The following BNC2 variants were observed in gnomAD, a reference collection of about 807,000 sequenced individuals.
The protein encoded by BNC2 is basonuclin zinc finger protein 2.
Under a neutral mutation model 76.3 loss-of-function variants are expected in BNC2, and 20 were observed. That is an observed-to-expected ratio of 0.26 (90% CI 0.18 to 0.38). The LOEUF is 0.38. Among genes scored for constraint, BNC2 ranks in the 10% least tolerant of loss-of-function variants. The pLI is 1.00. For missense variants in BNC2, 1,382 were observed against 1,399.8 expected, an observed-to-expected ratio of 0.99 and a Z score of 0.20; for synonymous variants, 582 against 514.8, an observed-to-expected ratio of 1.13 and a Z score of -1.77.
intron 5 of BNC2, among the ~76,000 whole-genome samples, chr9:16,533,545 A>C (rs957720709): frequency 2.0e-5 from 3 of 152,210 alleles, no homozygotes; most frequent in Non-Finnish European, 2.9e-5. Context: ...TTGGTTAAAC[A>C]TGTGGCAGTA....
chr9:16,491,339 G>A (rs1247752843), intron 5 of BNC2, among the ~76,000 whole-genome samples: 1 of 152,150 alleles, frequency 6.6e-6, no homozygotes, highest in African/African-American at 2.4e-5. Context: ...TACTCAACAG[G>A]TGGAAAGGGT....
chr9:16,573,956 A>C (rs1819409112), intron 4 of BNC2, among the ~76,000 whole-genome samples: 1 of 152,230 alleles, frequency 6.6e-6, no homozygotes, highest in Non-Finnish European at 1.5e-5. Context: ...TACTGTACTT[A>C]TCCAGCAATT....
At chr9:16,649,517 C>T (rs774606386) in intron 3 of BNC2, among the ~76,000 whole-genome samples, 1 of 152,090 alleles carries the variant, frequency 6.6e-6, no homozygotes, top group East Asian at 1.9e-4. Flanking sequence ...CAATTAGAGA[C>T]AGAAAAGGGA....
In BNC2 at chr9:16,436,238, C is replaced by G; in HGVS notation, c.1956G>C (p.Glu652Asp). 2 of 1,614,162 alleles carry G rather than the reference C, an allele frequency of 1.2e-6. No individual in the cohort carries two copies. The highest frequency in any genetic ancestry group is 1.1e-5 in the South Asian group (1 of 91,084). Reference sequence around the variant, plus strand: ...TGGGGTCATCATCTTCATCATCAAACTCATCGGCGGTATCAATAATTTCCT... The same window carrying G: ...TGGGGTCATCATCTTCATCATCAAAGTCATCGGCGGTATCAATAATTTCCT... ...IEKEIIDTAD[E>D]FDDEDDDPND... is the part of the protein sequence containing the mutation. Residue 652 changes from glutamate to aspartate, a missense_variant, in exon 6 of 7, where the codon GAG becomes GAC. Glu to Asp is a conservative substitution (Grantham distance 45, BLOSUM62 2). This residue lies in a region of BNC2 where 798 missense variants were observed against 775.5 expected (regional missense o/e 1.03). Coordinates refer to ENST00000380672, the MANE Select transcript of BNC2 (RefSeq NM_017637.6).
rs1473647913 is a variant in BNC2, at chr9:16,678,261, C to CTTTCTCTTTTTTTTTTTTTT, written c.330+49535_330+49536insAAAAAAAAAAAAAAGAGAAA. ...ACCATAACTTGTAACTGTTTTCTTT[C>CTTTCTCTTTTTTTTTTTTTT]TTTTTCTTTTTTTTTTTTTTTTTTT... On this transcript the variant is annotated intron_variant, in intron 3 of 6. Coordinates refer to ENST00000380672, the MANE Select transcript of BNC2 (RefSeq NM_017637.6). Among the ~76,000 whole-genome samples the CTTTCTCTTTTTTTTTTTTTT allele has an allele frequency of 2.6e-5, 2 of 75,888 alleles. 1 individual carries two copies. The highest frequency in any genetic ancestry group is 1.1e-4 in the African/African-American group (2 of 18,742). The allele number at this position is 75,888 out of a possible 152,430, so 49.8% of individuals were successfully genotyped here.
intron 1 of BNC2, among the ~76,000 whole-genome samples, chr9:16,842,689 G>T (rs74654232): frequency 0.014 from 2,206 of 152,168 alleles, 31 homozygotes; most frequent in Non-Finnish European, 0.022. Flanking sequence ...CTGGTTAAAG[G>T]ATATATAGGA....
At chr9:16,463,839 T>C (rs1050345346) in intron 5 of BNC2, among the ~76,000 whole-genome samples, 1 of 151,926 alleles carries the variant, frequency 6.6e-6, no homozygotes, top group Non-Finnish European at 1.5e-5. Flanking sequence ...CTCATGTCTG[T>C]AATCCCAGCA....
At chr9:16,571,464 A>G (rs1048184807) in intron 4 of BNC2, among the ~76,000 whole-genome samples, 1 of 152,128 alleles carries the variant, frequency 6.6e-6, no homozygotes, top group Non-Finnish European at 1.5e-5. Flanking sequence ...AATGTTAGAT[A>G]GCTACTCGGT....
intron 5 of BNC2, among the ~76,000 whole-genome samples, chr9:16,527,729 C>G (rs961530787): frequency 6.6e-6 from 1 of 152,206 alleles, no homozygotes; most frequent in Non-Finnish European, 1.5e-5. Flanking sequence ...TAGTTAACAG[C>G]TGTACCTACT....
intron 1 of BNC2, chr9:16,867,960 C>T (rs1287445751): frequency 6.6e-6 from 1 of 152,050 alleles, no homozygotes; most frequent in Non-Finnish European, 1.5e-5. Context: ...TGTCCGTGGG[C>T]TTTATTGAAC....
chr9:16,839,042 TCTTA>T (rs1818768783), intron 1 of BNC2, among the ~76,000 whole-genome samples: 3 of 152,200 alleles, frequency 2.0e-5, no homozygotes, highest in Non-Finnish European at 4.4e-5. Context: ...AGAAGTTAGC[TCTTA>T]ATAATTCCTC....
intron 3 of BNC2, among the ~76,000 whole-genome samples, chr9:16,633,323 A>G (rs151063459): frequency 6.6e-6 from 1 of 152,226 alleles, no homozygotes; most frequent in Non-Finnish European, 1.5e-5. Flanking sequence ...GGCCATACAT[A>G]AATGTTATTA....
chr9:16,765,276 T>C lies in BNC2; in HGVS notation c.4-26791A>G, dbSNP rs1253637151. Among the ~76,000 whole-genome samples the C allele has an allele frequency of 2.6e-5, 4 of 152,122 alleles. No individual in the cohort carries two copies. In the East Asian group the frequency reaches 5.8e-4, roughly 22 times the overall value. ...ACAATGTAATTTTATGAATTGAAAA[T>C]GTAATCAGATTTTATTCTGGCTAAG... is the stretch of plus-strand genomic sequence containing the variant. On this transcript the variant is annotated intron_variant, in intron 1 of 6. Transcript: ENST00000380672.
intron 4 of BNC2, among the ~76,000 whole-genome samples, chr9:16,561,279 C>G (rs961870049): frequency 4.6e-5 from 7 of 151,952 alleles, no homozygotes; most frequent in Non-Finnish European, 7.4e-5. Context: ...GAAAATTGCC[C>G]CAGATGATCA....
chr9:16,665,410 GAAA>G (rs59647517), intron 3 of BNC2, among the ~76,000 whole-genome samples: 12 of 95,250 alleles, frequency 1.3e-4, no homozygotes, highest in African/African-American at 3.9e-4. Context: ...GAGAAAGAGA[GAAA>G]AGAAAGGAAA....
intron 5 of BNC2, among the ~76,000 whole-genome samples, chr9:16,462,366 T>C (rs974603696): frequency 1.3e-5 from 2 of 152,172 alleles, no homozygotes; most frequent in African/African-American, 2.4e-5. Flanking sequence ...AACTTTTATA[T>C]TGAGATAAAG....
At chr9:16,725,050 T>C (rs1824269738) in intron 3 of BNC2, among the ~76,000 whole-genome samples, 1 of 152,138 alleles carries the variant, frequency 6.6e-6, no homozygotes, top group African/African-American at 2.4e-5. Context: ...GAGAAACCTC[T>C]TTATGCCTCA....
chr9:16,668,094 T>C (rs1445601051), intron 3 of BNC2, among the ~76,000 whole-genome samples: 1 of 152,194 alleles, frequency 6.6e-6, no homozygotes, highest in African/African-American at 2.4e-5. Flanking sequence ...TTCGGGAAGA[T>C]CACATTTAGC....
chr9:16,597,193 C>G (rs745943445), intron 3 of BNC2, among the ~76,000 whole-genome samples: 6 of 152,124 alleles, frequency 3.9e-5, no homozygotes, highest in Non-Finnish European at 7.4e-5. Flanking sequence ...AAACTTTTCT[C>G]TGTGGCTACA....
Sources: gnomAD v4.1 joint callset for allele counts (sites outside exome capture counted in the v4.1 genomes callset) on GRCh38, gnomAD v4.1.1 for gene constraint, gnomAD v4.1.1 regional missense constraint, MANE v1.5 for transcripts, NCBI Gene and HGNC (gene_info 2026-07-23, HGNC 2026-07-21) for gene names.